The following FANCG variants were observed in gnomAD, a reference collection of about 807,000 sequenced individuals.
The protein encoded by FANCG is FA complementation group G, also known as Fanconi anemia group G protein.
FANCG carries 67 observed loss-of-function variants against 73.3 expected under a neutral mutation model. That is an observed-to-expected ratio of 0.91 (90% CI 0.75 to 1.12). The LOEUF is 1.12. Ranked by LOEUF, FANCG falls within the 50% of genes most tolerant of loss-of-function variation. FANCG has a pLI of 0.00. For synonymous variants in FANCG, 297 were observed against 311.6 expected (o/e 0.95, Z 0.49); for missense variants, 643 against 735.6 (o/e 0.87, Z 1.46).
chr9:35,075,937 C>T, intron 9 of FANCG, 25 bp downstream of exon 9: 1 of 1,613,444 alleles, frequency 6.2e-7, no homozygotes, highest in East Asian at 2.2e-5. Flanking sequence ...TACCCCATTG[C>T]AGAGAAGCTT....
At position 35,076,454 on chromosome 9, in the gene FANCG, T is replaced by C; in HGVS notation, c.1054A>G (p.Ser352Gly). The part of the protein sequence containing the change: ...TQSQTKHILA[S>G]RCLQTGRAGD... ...CACCTCCCCGTCTGTAGGCACCTGC[T>C]TGCTAGTATGTGCTTGGTCTGGCTC... The change falls in exon 8 of 14, where the codon AGC becomes GGC. Residue 352 changes from serine (S) to glycine (G), a missense_variant. Coordinates refer to ENST00000378643, the MANE Select transcript of FANCG (RefSeq NM_004629.2). The C allele has an allele frequency of 6.2e-7, 1 of 1,614,074 alleles. No homozygotes were observed. Among genetic ancestry groups the C allele is most frequent in the South Asian group, 1.1e-5 (1 of 91,064 alleles).
In FANCG at chr9:35,079,748, G is replaced by A; in HGVS notation, c.-224C>T. 8.4e-6 allele frequency: 5 copies of A among 596,366 alleles called. No individual in the cohort carries two copies. Among genetic ancestry groups the A allele is most frequent in the Non-Finnish European group, 1.5e-5 (5 of 333,208 alleles). The allele number at this position is 596,366 out of a possible 1,614,324, so 36.9% of individuals were successfully genotyped here. On this transcript the variant is annotated 5_prime_UTR_variant, in exon 1 of 14. Transcript: ENST00000378643. ...CTCTCAACCTCGCCTCTGGTTGGCC[G>A]GGTCTGCGAAGCTCTGGGCTGCGGT... is the stretch of plus-strand genomic sequence containing the variant.
Position 35,078,246 on chromosome 9 carries a change from C to A in FANCG, c.405G>T (p.Leu135=), listed in dbSNP as rs1251066873. 1 of 1,614,064 alleles carries A rather than the reference C, an allele frequency of 6.2e-7. No individual in the cohort carries two copies. Among genetic ancestry groups the A allele is most frequent in the Non-Finnish European group, 8.5e-7 (1 of 1,180,042 alleles). ...VLRASCLLPE[L]LSALHRLVGL... ...CAACCAGGCGGTGCAGGGCAGACAG[C>A]AGCTCCGGCAGAAGGCAGGAAGCAC... The change falls in exon 4 of 14, where the codon CTG becomes CTT. Residue 135 remains leucine (L), a synonymous_variant. Coordinates refer to ENST00000378643, the MANE Select transcript of FANCG (RefSeq NM_004629.2).
chr9:35,079,325 C>A, intron 1 of FANCG, 84 bp from the exon 2 acceptor site: 2 of 1,549,278 alleles, frequency 1.3e-6, no homozygotes, highest in Admixed American at 1.7e-5. Flanking sequence ...ATTCTCCAGT[C>A]ATTTCTGGCT....
chr9:35,074,204 C>T lies in FANCG; in HGVS notation c.1773G>A (p.Leu591=), dbSNP rs776337442. The T allele has an allele frequency of 5.0e-6, 8 of 1,614,158 alleles. No homozygotes were observed. In the South Asian group the frequency reaches 6.6e-5, roughly 13 times the overall value. The change falls in exon 14 of 14, where the codon CTG becomes CTA. Residue 591 remains leucine (L), a synonymous_variant. Coordinates refer to ENST00000378643, the MANE Select transcript of FANCG (RefSeq NM_004629.2). ...TCCAGCTCAAATAGCTTTCTAGGTA[C>T]AGGGGGAGAGACCTGGAGAGAAAGA... ...SHEDALWSLP[L]YLESYLSWIR...
chr9:35,077,750 T>G (rs1829112786), intron 4 of FANCG, among the ~76,000 whole-genome samples: 1 of 149,628 alleles, frequency 6.7e-6, no homozygotes, highest in Non-Finnish European at 1.5e-5. Flanking sequence ...CCTATCCCTA[T>G]CCAAAAAAAA....
intron 10 of FANCG, 55 bp from the exon 11 acceptor site, chr9:35,075,380 G>A: frequency 6.2e-7 from 1 of 1,613,226 alleles, no homozygotes; most frequent in Non-Finnish European, 8.5e-7. Flanking sequence ...AAACTCTAGG[G>A]TAAGTAGGTG....
At chr9:35,079,301 G>T (rs1587144707) in intron 1 of FANCG, 60 bp from the exon 2 acceptor site, 1 of 1,554,944 alleles carries the variant, frequency 6.4e-7, no homozygotes, top group Non-Finnish European at 8.9e-7. Flanking sequence ...CCTTGCAGCA[G>T]TGGCAAGGGA....
intron 4 of FANCG, among the ~76,000 whole-genome samples, chr9:35,077,724 G>C (rs1262184895): frequency 6.6e-6 from 1 of 151,832 alleles, no homozygotes; most frequent in Non-Finnish European, 1.5e-5. Flanking sequence ...GCTGACTTGA[G>C]CAAGATCACA....
chr9:35,076,279 G>T, intron 8 of FANCG, 153 bp downstream of exon 8: 1 of 901,562 alleles, frequency 1.1e-6, no homozygotes, highest in Non-Finnish European at 1.8e-6. Context: ...CTCAGTTCAG[G>T]TCTAGAAGCA....
chr9:35,074,971 GTAT>G lies in FANCG; in HGVS notation c.1589_1591del (p.Asp530_Thr531delinsAla), dbSNP rs767443643. ...GAGGAGGAAGTCCTGTAAGGCTTTG[GTAT>G]CCTGGCCGCTGGCTACCCATTCCAG... On this transcript the variant is annotated inframe_deletion, in exon 12 of 14. Transcript: ENST00000378643. 7.4e-6 allele frequency: 12 copies of G among 1,614,090 alleles called. No individual in the cohort carries two copies. In the East Asian group the frequency reaches 2.7e-4, roughly 36 times the overall value.
Position 35,077,029 on chromosome 9 carries a change from C to T in FANCG, c.719G>A (p.Cys240Tyr), listed in dbSNP as rs769139666. The T allele has an allele frequency of 6.2e-7, 1 of 1,614,264 alleles. No homozygotes were observed. Among genetic ancestry groups the T allele is most frequent in the Admixed American group, 1.7e-5 (1 of 60,032 alleles). The change falls in exon 6 of 14, where the codon TGT (cysteine) becomes TAT (tyrosine). Residue 240 changes from cysteine to tyrosine, a missense_variant. By Grantham distance (194) the Cys-to-Tyr change is radical. Coordinates refer to ENST00000378643, the MANE Select transcript of FANCG (RefSeq NM_004629.2). ...CACCTGGACCAACACAGGCCGTGGA[C>T]ACAGGCCTGAGGCCGCTTCATGAAG... is the stretch of plus-strand genomic sequence containing the variant. ...SSLHEAASGLCPRPVLVQVYT... is the reference protein window; with the variant it reads ...SSLHEAASGLYPRPVLVQVYT...
Position 35,077,016 on chromosome 9 carries a change from C to T in FANCG, c.732G>A (p.Val244=), listed in dbSNP as rs1312446984. 6.2e-7 allele frequency: 1 copy of T among 1,614,222 alleles called. No homozygotes were observed. The change falls in exon 6 of 14, where the codon GTG becomes GTA. Residue 244 remains valine (V), a synonymous_variant. Coordinates refer to ENST00000378643, the MANE Select transcript of FANCG (RefSeq NM_004629.2). ...CCAGTGCTGTGTACACCTGGACCAACACAGGCCGTGGACACAGGCCTGAGG... is the reference window on the plus strand; with the variant it reads ...CCAGTGCTGTGTACACCTGGACCAATACAGGCCGTGGACACAGGCCTGAGG... ...EAASGLCPRP[V]LVQVYTALGS...
intron 2 of FANCG, 84 bp downstream of exon 2, chr9:35,079,067 T>G: frequency 8.3e-7 from 1 of 1,207,938 alleles, no homozygotes; most frequent in Non-Finnish European, 1.2e-6. Flanking sequence ...CCCGAGTAAT[T>G]ATATCGATCC....
chr9:35,077,006 C>T lies in FANCG; in HGVS notation c.742G>A (p.Val248Met). The change falls in exon 6 of 14, where the codon GTG becomes ATG. Residue 248 changes from valine (V) to methionine (M), a missense_variant. Transcript: ENST00000378643. ...TGACAGGACCCCAGTGCTGTGTACA[C>T]CTGGACCAACACAGGCCGTGGACAC... ...GLCPRPVLVQ[V>M]YTALGSCHRK... 1.2e-6 allele frequency: 2 copies of T among 1,614,250 alleles called. No individual in the cohort carries two copies. Among genetic ancestry groups the T allele is most frequent in the Non-Finnish European group, 1.7e-6 (2 of 1,180,040 alleles).
At chr9:35,075,378 G>C (rs1413401323) in intron 10 of FANCG, 53 bp from the exon 11 acceptor site, 2 of 1,613,678 alleles carry the variant, frequency 1.2e-6, no homozygotes, top group Non-Finnish European at 1.7e-6. Context: ...AGAAACTCTA[G>C]GGTAAGTAGG....
chr9:35,076,931 T>G (rs1829096143), intron 6 of FANCG, 40 bp downstream of exon 6: 3 of 1,614,170 alleles, frequency 1.9e-6, no homozygotes, highest in Non-Finnish European at 2.5e-6. Context: ...CTATACATAA[T>G]GCTTGTGGTT....
intron 12 of FANCG, chr9:35,074,695 A>G (rs45453195): frequency 3.5e-6 from 3 of 857,836 alleles, no homozygotes; most frequent in Non-Finnish European, 5.6e-6. Context: ...ACAACAGCAG[A>G]GTCATGGTCT....
intron 4 of FANCG, 49 bp from the exon 5 acceptor site, chr9:35,077,448 C>G (rs1201104959): frequency 6.2e-7 from 1 of 1,611,960 alleles, no homozygotes; most frequent in South Asian, 1.1e-5. Flanking sequence ...ACCTCCTCGT[C>G]TTCTCCTATC....
Sources: allele counts gnomAD v4.1 joint callset (sites outside exome capture counted in the v4.1 genomes callset), GRCh38; gene constraint gnomAD v4.1.1; transcripts MANE v1.5; gene names NCBI Gene and HGNC (gene_info 2026-07-23, HGNC 2026-07-21).